The following CSMD1 variants were observed in gnomAD, a reference collection of about 807,000 sequenced individuals.
CSMD1 encodes the protein CUB and sushi domain-containing protein 1.
CSMD1 carries 213 observed loss-of-function variants against 417.5 expected under a neutral mutation model. That is an observed-to-expected ratio of 0.51 (90% CI 0.46 to 0.57). The LOEUF is 0.57. Among genes scored for constraint, CSMD1 ranks in the 20% least tolerant of loss-of-function variants. CSMD1 has a pLI of 0.00. For missense variants in CSMD1, 6,923 were observed against 4,529.7 expected (o/e 1.53, Z -15.17); for synonymous variants, 2,862 against 1,736.8 (o/e 1.65, Z -16.11).
intron 15 of CSMD1, among the ~76,000 whole-genome samples, chr8:3,403,797 A>T (rs908815167): frequency 6.6e-6 from 1 of 152,214 alleles, no homozygotes; most frequent in African/African-American, 2.4e-5. Context: ...CATATCTTTG[A>T]GCACCACATG....
chr8:3,190,861 G>A (rs553131477), intron 33 of CSMD1, among the ~76,000 whole-genome samples: 36 of 152,306 alleles, frequency 2.4e-4, no homozygotes, highest in African/African-American at 8.4e-4. Context: ...CAAATAAGCA[G>A]CCACAGAAGA....
chr8:4,420,991 T>C (rs916782522), intron 2 of CSMD1, among the ~76,000 whole-genome samples: 1 of 152,192 alleles, frequency 6.6e-6, no homozygotes, highest in African/African-American at 2.4e-5. Flanking sequence ...GTATTCATCT[T>C]TGTAAACTGC....
At chr8:4,580,217 C>T (rs1799346800) in intron 2 of CSMD1, among the ~76,000 whole-genome samples, 1 of 152,310 alleles carries the variant, frequency 6.6e-6, no homozygotes, top group African/African-American at 2.4e-5. Context: ...CCCTGCTGCC[C>T]TTCCCCTTGT....
At chr8:4,781,015 T>C (rs1293296822) in intron 1 of CSMD1, among the ~76,000 whole-genome samples, 2 of 152,226 alleles carry the variant, frequency 1.3e-5, no homozygotes, top group African/African-American at 2.4e-5. Flanking sequence ...AATAGGGTAA[T>C]TACCACCTGC....
chr8:3,864,066 A>G (rs1804912424), intron 5 of CSMD1, among the ~76,000 whole-genome samples: 1 of 152,214 alleles, frequency 6.6e-6, no homozygotes, highest in South Asian at 2.1e-4. Context: ...GATGGCCCAG[A>G]TAATATTTAA....
At chr8:4,921,189 A>G (rs1305393148) in intron 1 of CSMD1, among the ~76,000 whole-genome samples, 1 of 152,138 alleles carries the variant, frequency 6.6e-6, no homozygotes, top group Non-Finnish European at 1.5e-5. Flanking sequence ...GAAACAGGCA[A>G]TTTCAAGTGA....
At chr8:4,552,620 G>C (rs1797922620) in intron 2 of CSMD1, among the ~76,000 whole-genome samples, 1 of 151,072 alleles carries the variant, frequency 6.6e-6, no homozygotes, top group Admixed American at 6.6e-5. Flanking sequence ...AGTTTCAATT[G>C]GGGAAAAAAA....
chr8:4,575,840 C>G (rs866148956), intron 2 of CSMD1, among the ~76,000 whole-genome samples: 1 of 152,188 alleles, frequency 6.6e-6, no homozygotes, highest in East Asian at 1.9e-4. Context: ...TAGACTAGAT[C>G]ATCTCAGTCG....
At chr8:4,383,188 T>C (rs184972843) in intron 3 of CSMD1, among the ~76,000 whole-genome samples, 47 of 152,320 alleles carry the variant, frequency 3.1e-4, no homozygotes, top group Non-Finnish European at 5.9e-4. Context: ...CATTCAGAAG[T>C]ATATAACTCT....
At chr8:3,931,607 C>T (rs1023781678) in intron 5 of CSMD1, among the ~76,000 whole-genome samples, 2 of 149,446 alleles carry the variant, frequency 1.3e-5, no homozygotes, top group African/African-American at 2.5e-5. Context: ...AATCATTGCG[C>T]CAAGAGTTAG....
At chr8:4,704,540 G>T (rs904924646) in intron 1 of CSMD1, among the ~76,000 whole-genome samples, 2 of 152,142 alleles carry the variant, frequency 1.3e-5, no homozygotes, top group African/African-American at 4.8e-5. Flanking sequence ...CCATTATACA[G>T]AAATTGACTG....
chr8:4,384,928 A>T (rs74669197), intron 3 of CSMD1, among the ~76,000 whole-genome samples: 1 of 152,124 alleles, frequency 6.6e-6, no homozygotes, highest in Non-Finnish European at 1.5e-5. Context: ...AGATCAAGGT[A>T]ATCATCTTCA....
At chr8:3,788,879 C>G (rs1238803885) in intron 5 of CSMD1, among the ~76,000 whole-genome samples, 4 of 152,148 alleles carry the variant, frequency 2.6e-5, no homozygotes, top group Non-Finnish European at 5.9e-5. Context: ...CCATTTTATA[C>G]CTGAAGAAAC....
At chr8:4,406,056 A>C (rs1804995586) in intron 3 of CSMD1, among the ~76,000 whole-genome samples, 1 of 152,222 alleles carries the variant, frequency 6.6e-6, no homozygotes, top group South Asian at 2.1e-4. Context: ...AAACAATGCC[A>C]GCAACTTTAT....
intron 3 of CSMD1, among the ~76,000 whole-genome samples, chr8:4,106,278 T>C (rs977880837): frequency 9.2e-5 from 14 of 152,206 alleles, no homozygotes; most frequent in African/African-American, 3.4e-4. Flanking sequence ...TGTATGTGTT[T>C]CTGTGGGTGG....
Position 4,921,025 on chromosome 8 carries a change from G to A in CSMD1, c.85+73307C>T, listed in dbSNP as rs186867618. ...AAAGAAAGAAAGAAAAGAAAGAAAG[G>A]AAGAAAGAAAGGAAGGAAGAAAGAA... On this transcript the variant is annotated intron_variant, in intron 1 of 69. Transcript: ENST00000635120. 3.1e-3 allele frequency among the ~76,000 whole-genome samples: 248 copies of A among 79,578 alleles called. 11 individuals are homozygous for A. The highest frequency in any genetic ancestry group is 8.1e-3 in the African/African-American group (164 of 20,356). The allele number at this position is 79,578 out of a possible 152,430, so 52.2% of individuals were successfully genotyped here. A position where few individuals can be genotyped will look rare whatever the true frequency, so the allele number is the denominator to read the frequency against.
At chr8:4,573,212 A>G (rs1798969537) in intron 2 of CSMD1, among the ~76,000 whole-genome samples, 1 of 152,004 alleles carries the variant, frequency 6.6e-6, no homozygotes, top group East Asian at 1.9e-4. Context: ...TGGTTTTTGG[A>G]ATTTTCAGCA....
At chr8:4,351,181 A>G (rs751293634) in intron 3 of CSMD1, among the ~76,000 whole-genome samples, 48 of 152,256 alleles carry the variant, frequency 3.2e-4, no homozygotes, top group Non-Finnish European at 5.7e-4. Flanking sequence ...GGGAAAGAAC[A>G]AATGACTTCT....
At chr8:3,562,063 G>C (rs924291167) in intron 10 of CSMD1, among the ~76,000 whole-genome samples, 1 of 151,560 alleles carries the variant, frequency 6.6e-6, no homozygotes, top group Non-Finnish European at 1.5e-5. Flanking sequence ...CACTCTGCAG[G>C]TTTAGAGTAA....
Sources: allele counts gnomAD v4.1 joint callset (sites outside exome capture counted in the v4.1 genomes callset), GRCh38; gene constraint gnomAD v4.1.1; transcripts MANE v1.5; gene names NCBI Gene and HGNC (gene_info 2026-07-23, HGNC 2026-07-21).